Variants in POU3F3 observed in about 807,000 individuals in gnomAD.
The protein encoded by POU3F3 is POU class 3 homeobox 3.
In POU3F3, 1 loss-of-function variant was observed where a neutral mutation model predicts 8.6. That is an observed-to-expected ratio of 0.12 (90% CI 0.04 to 0.55). POU3F3 has a LOEUF of 0.55. Ranked by LOEUF, POU3F3 falls within the 20% of genes least tolerant of loss-of-function variation. The pLI is 0.91. For missense variants in POU3F3, 577 were observed against 690.7 expected (o/e 0.84, Z 1.84); for synonymous variants, 418 against 327.4 (o/e 1.28, Z -2.99).
chr2:104,866,863 A>G, the POU3F3 span: 1 of 152,398 alleles, frequency 6.6e-6, no homozygotes, highest in East Asian at 1.9e-4. Context: ...GCAGGAGTCC[A>G]TACTTTACAA....
At chr2:104,865,675 G>A in the POU3F3 span, 1 of 152,086 alleles carries the variant, frequency 6.6e-6, no homozygotes, top group African/African-American at 2.4e-5. Flanking sequence ...TAAAATAAAA[G>A]GTGACAAAAC....
At chr2:104,868,745 A>G in the POU3F3 span, among the ~76,000 whole-genome samples, 1 of 152,188 alleles carries the variant, frequency 6.6e-6, no homozygotes, top group Non-Finnish European at 1.5e-5. Flanking sequence ...GAGTGACACA[A>G]GCCCCCACCC....
At chr2:104,927,681 A>G in the POU3F3 span, among the ~76,000 whole-genome samples, 5 of 148,784 alleles carry the variant, frequency 3.4e-5, no homozygotes, top group Admixed American at 6.8e-5. Context: ...CAAGAGTTTA[A>G]GGCTGCAGTG....
the POU3F3 span, among the ~76,000 whole-genome samples, chr2:104,927,256 A>G: frequency 6.6e-6 from 1 of 152,212 alleles, no homozygotes; most frequent in African/African-American, 2.4e-5. Flanking sequence ...GGGCATTACA[A>G]TTTCAACACA....
At chr2:104,876,535 CA>C in the POU3F3 span, among the ~76,000 whole-genome samples, 5 of 152,180 alleles carry the variant, frequency 3.3e-5, no homozygotes, top group African/African-American at 4.8e-5. Context: ...AGTGTATCTA[CA>C]AAATGTTCTA....
At chr2:104,915,144 C>T in the POU3F3 span, among the ~76,000 whole-genome samples, 5 of 152,220 alleles carry the variant, frequency 3.3e-5, no homozygotes, top group Admixed American at 3.3e-4. Context: ...TGATTCCCAT[C>T]AGAATTCTCT....
chr2:104,914,456 TG>T, the POU3F3 span, among the ~76,000 whole-genome samples: 1 of 152,222 alleles, frequency 6.6e-6, no homozygotes, highest in Admixed American at 6.5e-5. Context: ...AGGAAGAAAC[TG>T]AGGAGTAAGA....
rs1413040367 is a variant in POU3F3, at chr2:104,855,782, T to C, written c.272T>C (p.Leu91Pro). The change falls in exon 1 of 1, where the codon CTG becomes CCG. Residue 91 changes from leucine to proline, a missense_variant. Physicochemically the swap from Leu to Pro is moderately conservative, Grantham distance 98 (BLOSUM62 -3). Transcript: ENST00000361360. ...AMAASNGGHM[L>P]SHAHQWVTAL... ...GCCGCCAGCAACGGCGGCCATATGC[T>C]GAGCCACGCGCACCAGTGGGTCACA... 7.6e-7 allele frequency: 1 copy of C among 1,310,378 alleles called. No homozygotes were observed. Among genetic ancestry groups the C allele is most frequent in the South Asian group, 1.3e-5 (1 of 74,506 alleles). The allele number at this position is 1,310,378 out of a possible 1,614,324, so 81.2% of individuals were successfully genotyped here.
chr2:104,881,114 A>ATTTCTTTCTTTCTTTCTTTC, the POU3F3 span, among the ~76,000 whole-genome samples: 164 of 101,028 alleles, frequency 1.6e-3, no homozygotes, highest in African/African-American at 5.3e-3. Context: ...TTCTTTCTTT[A>ATTTCTTTCTTTCTTTCTTTC]TTTCTTACTT....
At chr2:104,881,115 T>C in the POU3F3 span, among the ~76,000 whole-genome samples, 44 of 138,058 alleles carry the variant, frequency 3.2e-4, no homozygotes, top group African/African-American at 1.2e-3. Flanking sequence ...TCTTTCTTTA[T>C]TTCTTACTTT....
the POU3F3 span, chr2:104,865,433 A>G: frequency 6.6e-6 from 1 of 152,246 alleles, no homozygotes; most frequent in Non-Finnish European, 1.5e-5. Context: ...TCTTTATTGT[A>G]GCTACAAAAT....
the POU3F3 span, among the ~76,000 whole-genome samples, chr2:104,891,288 ACATT>A: frequency 6.6e-6 from 1 of 152,136 alleles, no homozygotes; most frequent in Non-Finnish European, 1.5e-5. Flanking sequence ...TCTTAATTAT[ACATT>A]CATTTATATC....
chr2:104,854,044 G>T (rs1030359090), upstream of POU3F3, among the ~76,000 whole-genome samples: 2 of 152,212 alleles, frequency 1.3e-5, no homozygotes, highest in Non-Finnish European at 2.9e-5. This position sits in a 1 kb window ranked among gnomAD's most constrained non-coding sequence, Gnocchi z 4.5. Context: ...ATCAGCGGGG[G>T]CCCTGGTGCT....
chr2:104,911,541 T>C, the POU3F3 span, among the ~76,000 whole-genome samples: 15 of 150,750 alleles, frequency 1.0e-4, no homozygotes, highest in Non-Finnish European at 2.1e-4. Context: ...ATAAGAGAAG[T>C]GTGGTGGGAA....
the POU3F3 span, among the ~76,000 whole-genome samples, chr2:104,876,274 G>C: frequency 6.6e-6 from 1 of 152,202 alleles, no homozygotes; most frequent in South Asian, 2.1e-4. Context: ...ATTCCTTGCT[G>C]TATTCAAATT....
At chr2:104,917,629 C>T in the POU3F3 span, among the ~76,000 whole-genome samples, 2 of 152,100 alleles carry the variant, frequency 1.3e-5, no homozygotes, top group Non-Finnish European at 2.9e-5. Flanking sequence ...AGAAACTTTG[C>T]TTTGTAAGGA....
chr2:104,898,762 C>T, the POU3F3 span, among the ~76,000 whole-genome samples: 2 of 152,160 alleles, frequency 1.3e-5, no homozygotes, highest in Admixed American at 6.5e-5. Context: ...CCAATCTTTT[C>T]GTACCTTTTT....
chr2:104,859,962 G>A (rs971717586), downstream of POU3F3, among the ~76,000 whole-genome samples: 3 of 152,302 alleles, frequency 2.0e-5, no homozygotes, highest in Admixed American at 1.3e-4. Context: ...TTGGAAAGCT[G>A]AGGACTGGTC....
At chr2:104,894,035 C>T in the POU3F3 span, among the ~76,000 whole-genome samples, 19 of 152,280 alleles carry the variant, frequency 1.2e-4, no homozygotes, top group African/African-American at 3.6e-4. Context: ...GAGGATGAGC[C>T]GATGGGCTCC....
Sources: gnomAD v4.1 joint callset for allele counts (sites outside exome capture counted in the v4.1 genomes callset) on GRCh38, gnomAD v4.1.1 for gene constraint, Gnocchi (gnomAD v3.1) non-coding constraint, MANE v1.5 for transcripts, NCBI Gene and HGNC (gene_info 2026-07-23, HGNC 2026-07-21) for gene names.